GALNT13: variants seen among roughly 807,000 people sequenced by gnomAD.
GALNT13 encodes UDP-GalNAc:polypeptide N-acetylgalactosaminyltransferase 13.
Under a neutral mutation model 64.2 loss-of-function variants are expected in GALNT13, and 28 were observed. The observed-to-expected ratio is 0.44, with a 90% CI of 0.32 to 0.60. GALNT13 has a LOEUF of 0.60. Among genes scored for constraint, GALNT13 ranks in the 20% least tolerant of loss-of-function variants. The probability of loss-of-function intolerance (pLI) is 0.05; values close to 1 mark genes in which losing one functional copy is unlikely to be tolerated. For synonymous variants in GALNT13, 214 were observed against 224.6 expected (o/e 0.95, Z 0.42); for missense variants, 577 against 669.8 (o/e 0.86, Z 1.53).
At chr2:154,180,959 A>G (rs747132538) in intron 4 of GALNT13, among the ~76,000 whole-genome samples, 4 of 152,170 alleles carry the variant, frequency 2.6e-5, no homozygotes, top group African/African-American at 4.8e-5. Flanking sequence ...AACCCTTACC[A>G]TTGGTGGGTT....
In GALNT13 at chr2:154,247,849, A is replaced by G. The variant is rs17809412; in HGVS notation, c.857+1867A>G. Among the ~76,000 whole-genome samples, 740 of 152,192 alleles carry G rather than the reference A, an allele frequency of 4.9e-3. 5 individuals are homozygous for G. The highest frequency in any genetic ancestry group is 7.8e-3 in the Non-Finnish European group (527 of 67,948). On this transcript the variant is annotated intron_variant, in intron 7 of 12. Transcript: ENST00000392825. ...AACAGAGAAACCTCAGTCTTTGCTG[A>G]AGTTTCTAGATTTTTGTGGCAAAAG...
At chr2:153,679,097 A>G in the GALNT13 span, among the ~76,000 whole-genome samples, 13 of 151,940 alleles carry the variant, frequency 8.6e-5, no homozygotes, top group Admixed American at 2.6e-4. Context: ...GCTAGTTTTC[A>G]GGGGTTCTTG....
chr2:153,086,348 A>T, the GALNT13 span, among the ~76,000 whole-genome samples: 1 of 152,156 alleles, frequency 6.6e-6, no homozygotes, highest in African/African-American at 2.4e-5. Context: ...CCAGGGATGA[A>T]ATGATATGGT....
At chr2:153,871,799 A>G (rs985722496), upstream of GALNT13, 1 of 151,260 alleles carries the variant, frequency 6.6e-6, no homozygotes, top group African/African-American at 2.4e-5. Context: ...TGGTTACGTA[A>G]ATGATACTAG....
chr2:154,209,633 T>G lies in GALNT13; in HGVS notation c.312-32397T>G, dbSNP rs180972578. Reference sequence around the variant, plus strand: ...CTAGACATTTTTTTCATTAAAAGTTTTAGAAAACATCCAGACTTTTAAGAA... The same window carrying G: ...CTAGACATTTTTTTCATTAAAAGTTGTAGAAAACATCCAGACTTTTAAGAA... On this transcript the variant is annotated intron_variant, in intron 4 of 12. Coordinates refer to ENST00000392825, the MANE Select transcript of GALNT13 (RefSeq NM_052917.4). Among the ~76,000 whole-genome samples, 131 of 152,284 alleles carry G rather than the reference T, an allele frequency of 8.6e-4. 2 individuals carry two copies. The highest frequency in any genetic ancestry group is 3.2e-4 in the Non-Finnish European group (22 of 68,004).
the GALNT13 span, among the ~76,000 whole-genome samples, chr2:153,689,306 CA>C: frequency 6.6e-6 from 1 of 151,954 alleles, no homozygotes; most frequent in African/African-American, 2.4e-5. Flanking sequence ...AGATTAAGCA[CA>C]TTGTCATATA....
At chr2:154,275,521 G>T (rs1691593386) in intron 8 of GALNT13, among the ~76,000 whole-genome samples, 1 of 152,168 alleles carries the variant, frequency 6.6e-6, no homozygotes, top group Admixed American at 6.5e-5. Context: ...TAGGCCTGTG[G>T]GTTCACAGAA....
chr2:154,394,010 G>A lies in GALNT13; in HGVS notation c.1157-1981G>A, dbSNP rs370039302. On this transcript the variant is annotated intron_variant, in intron 9 of 12. Transcript: ENST00000392825. ...GGAGAATGGCGTGAACCCGGGAGGC[G>A]GAGCTTGCAGTGAGCCGAGATTGCG... Among the ~76,000 whole-genome samples, 775 of 132,866 alleles carry A rather than the reference G, an allele frequency of 5.8e-3. 8 individuals are homozygous for A. The highest frequency in any genetic ancestry group is 0.02 in the African/African-American group (736 of 35,944). The allele number at this position is 132,866 out of a possible 152,430, so 87.2% of individuals were successfully genotyped here. A position where few individuals can be genotyped will look rare whatever the true frequency, so the allele number is the denominator to read the frequency against.
chr2:153,670,057 G>C, the GALNT13 span, among the ~76,000 whole-genome samples: 1 of 152,192 alleles, frequency 6.6e-6, no homozygotes, highest in Non-Finnish European at 1.5e-5. Flanking sequence ...ACTGGGCAGA[G>C]CCCACTGCAG....
chr2:154,393,814 C>T (rs1698913854), intron 9 of GALNT13, among the ~76,000 whole-genome samples: 1 of 151,936 alleles, frequency 6.6e-6, no homozygotes, highest in Non-Finnish European at 1.5e-5. Flanking sequence ...CGCGGTGGCT[C>T]ACGCCTGTAA....
intron 3 of GALNT13, among the ~76,000 whole-genome samples, chr2:154,007,429 TA>T (rs1696332334): frequency 1.3e-5 from 2 of 152,032 alleles, no homozygotes; most frequent in South Asian, 4.2e-4. Flanking sequence ...GTGGGAACCT[TA>T]AATGGGAAAA....
Position 154,438,691 on chromosome 2 carries a change from A to G in GALNT13, c.1495A>G (p.Met499Val), listed in dbSNP as rs142054873. ...TGTAATCATGTTAAAATGCCACCAT[A>G]TGAGAGGAAATCAGTTATGGGAATA... ...GPVIMLKCHH[M>V]RGNQLWEYDA... is the part of the protein sequence containing the mutation. The change falls in exon 12 of 13, where the codon ATG becomes GTG. Residue 499 changes from methionine (M) to valine (V), a missense_variant. Transcript: ENST00000392825. 3.5e-5 allele frequency: 56 copies of G among 1,610,932 alleles called. No individual in the cohort carries two copies. Among genetic ancestry groups the G allele is most frequent in the Non-Finnish European group, 4.4e-5 (52 of 1,177,526 alleles).
At chr2:153,311,375 AGAACT>A in the GALNT13 span, among the ~76,000 whole-genome samples, 1 of 152,246 alleles carries the variant, frequency 6.6e-6, no homozygotes, top group Non-Finnish European at 1.5e-5. Context: ...AAGGCACATT[AGAACT>A]GCATGTTAAG....
At chr2:154,234,495 C>T (rs2105853095) in intron 4 of GALNT13, among the ~76,000 whole-genome samples, 1 of 152,110 alleles carries the variant, frequency 6.6e-6, no homozygotes, top group Non-Finnish European at 1.5e-5. Context: ...GATCTTGTTC[C>T]AATATGTCCA....
chr2:153,744,735 A>G, the GALNT13 span, among the ~76,000 whole-genome samples: 1 of 152,090 alleles, frequency 6.6e-6, no homozygotes, highest in African/African-American at 2.4e-5. Context: ...GAGTTGTCAT[A>G]TGGGCCAGAT....
intron 4 of GALNT13, among the ~76,000 whole-genome samples, chr2:154,224,021 G>T (rs1279163081): frequency 6.6e-6 from 1 of 152,022 alleles, no homozygotes; most frequent in Non-Finnish European, 1.5e-5. Flanking sequence ...AGGAAAAAAA[G>T]AAGTTTACAT....
intron 3 of GALNT13, among the ~76,000 whole-genome samples, chr2:154,073,837 G>T (rs13390031): frequency 6.6e-6 from 1 of 151,426 alleles, no homozygotes; most frequent in African/African-American, 2.4e-5. Flanking sequence ...AATTTCTAAC[G>T]GAATATATGT....
the GALNT13 span, among the ~76,000 whole-genome samples, chr2:153,238,210 C>T: frequency 6.6e-6 from 1 of 151,876 alleles, no homozygotes; most frequent in Non-Finnish European, 1.5e-5. Flanking sequence ...TGTTTCAGCT[C>T]CTTATATATT....
the GALNT13 span, among the ~76,000 whole-genome samples, chr2:153,118,688 T>C: frequency 6.6e-6 from 1 of 152,210 alleles, no homozygotes; most frequent in Non-Finnish European, 1.5e-5. Flanking sequence ...CTAATACCTT[T>C]ATAGTTCATT....
Sources: gnomAD v4.1 joint callset for allele counts (sites outside exome capture counted in the v4.1 genomes callset) on GRCh38, gnomAD v4.1.1 for gene constraint, MANE v1.5 for transcripts, NCBI Gene and HGNC (gene_info 2026-07-23, HGNC 2026-07-21) for gene names.